VLDLR: variants seen among roughly 807,000 people sequenced by gnomAD.
VLDLR encodes very low-density lipoprotein receptor.
VLDLR carries 81 observed loss-of-function variants against 112.7 expected under a neutral mutation model. That is an observed-to-expected ratio of 0.72 (90% CI 0.60 to 0.86). The LOEUF (loss-of-function observed/expected upper bound fraction) is 0.86. VLDLR is among the 40% of genes least tolerant of loss of function. The probability of loss-of-function intolerance (pLI) is 0.00; values close to 1 mark genes in which losing one functional copy is unlikely to be tolerated. For missense variants in VLDLR, 1,237 were observed against 1,099.4 expected (o/e 1.13, Z -1.77); for synonymous variants, 436 against 384.8 (o/e 1.13, Z -1.56).
intron 18 of VLDLR, 88 bp downstream of exon 18, chr9:2,653,037 G>T: frequency 1.9e-6 from 3 of 1,545,992 alleles, no homozygotes; most frequent in Non-Finnish European, 2.7e-6. Flanking sequence ...GAGCCATTAG[G>T]ATGATGGAGT....
intron 7 of VLDLR, 58 bp from the exon 8 acceptor site, chr9:2,644,676 A>T: frequency 1.2e-6 from 2 of 1,612,080 alleles, no homozygotes; most frequent in Non-Finnish European, 8.5e-7. Context: ...TGGGTTTTAA[A>T]TGTGAAAGAT....
Position 2,635,440 on chromosome 9 carries a change from C to G in VLDLR, c.83-13C>G. ...CAATCCTTGCTTTACCGAATGTTCC[C>G]TTCTTATTCTAGGGAGAAAAGCCAA... On this transcript the variant is annotated splice_polypyrimidine_tract_variant and intron_variant, in intron 1 of 18. Coordinates refer to ENST00000382100, the MANE Select transcript of VLDLR (RefSeq NM_003383.5). 1 of 1,613,850 alleles carries G rather than the reference C, an allele frequency of 6.2e-7. No individual in the cohort carries two copies. The highest frequency in any genetic ancestry group is 8.5e-7 in the Non-Finnish European group (1 of 1,179,818).
chr9:2,622,943 C>T (rs570542506), intron 1 of VLDLR, among the ~76,000 whole-genome samples: 1 of 152,300 alleles, frequency 6.6e-6, no homozygotes, highest in Admixed American at 6.5e-5. Context: ...GGGCGCTTCT[C>T]CTCTCCCTTT....
intron 10 of VLDLR, 118 bp downstream of exon 10, chr9:2,645,863 C>G: frequency 4.3e-6 from 5 of 1,150,868 alleles, no homozygotes; most frequent in African/African-American, 1.5e-5. Context: ...ATCGAATTAC[C>G]TGGGGACATT....
At chr9:2,642,204 T>G in intron 4 of VLDLR, among the ~76,000 whole-genome samples, 1 of 152,154 alleles carries the variant, frequency 6.6e-6, no homozygotes, top group East Asian at 1.9e-4. Context: ...GCTTTGAATG[T>G]TCTTTCAAGC....
In VLDLR at chr9:2,657,860, C is replaced by G. The variant is rs1388159561; in HGVS notation, c.*3992C>G. On this transcript the variant is annotated 3_prime_UTR_variant, in exon 19 of 19. Coordinates refer to ENST00000382100, the MANE Select transcript of VLDLR (RefSeq NM_003383.5). ...CCAGAAGGGGCTTATAATGACTTCT[C>G]TTCTAGAATTGTAATACTAAAAAAC... is the stretch of plus-strand genomic sequence containing the variant. The G allele has an allele frequency of 6.6e-6, 1 of 152,172 alleles. No individual in the cohort carries two copies. Among genetic ancestry groups the G allele is most frequent in the Non-Finnish European group, 1.5e-5 (1 of 68,032 alleles). 9.4% of individuals were successfully genotyped at this position (152,172 alleles called of 1,614,324 possible). A position where few individuals can be genotyped will look rare whatever the true frequency, so the allele number is the denominator to read the frequency against.
chr9:2,655,773 C>G lies in VLDLR; in HGVS notation c.*1905C>G, dbSNP rs746157857. 2.0e-5 allele frequency: 3 copies of G among 152,100 alleles called. No individual in the cohort carries two copies. Among genetic ancestry groups the G allele is most frequent in the African/African-American group, 4.8e-5 (2 of 41,430 alleles). 9.4% of individuals were successfully genotyped at this position (152,100 alleles called of 1,614,324 possible). ...GCTGTAGTCATGAATATAGAACTGT[C>G]TGCTCTCCACCTTTTCCTCACTCTA... On this transcript the variant is annotated 3_prime_UTR_variant, in exon 19 of 19. Transcript: ENST00000382100.
chr9:2,629,939 G>T (rs565074058), intron 1 of VLDLR, among the ~76,000 whole-genome samples: 1 of 152,296 alleles, frequency 6.6e-6, no homozygotes, highest in African/African-American at 2.4e-5. Context: ...TGGGATTACA[G>T]GTGTGTGTAA....
rs369938089 is a variant in VLDLR, at chr9:2,628,196, A to C, written c.82+5925A>C. Among the ~76,000 whole-genome samples the C allele has an allele frequency of 3.3e-5, 5 of 152,292 alleles. No individual in the cohort carries two copies. The South Asian group carries it at 1.0e-3, about 32-fold the overall frequency. On this transcript the variant is annotated intron_variant, in intron 1 of 18. Transcript: ENST00000382100. ...TAGGGGATCTCTGTGTCTAAAGGTGAAAAATGGTAGCTGAACTCATCTCCT... is the reference window on the plus strand; with the variant it reads ...TAGGGGATCTCTGTGTCTAAAGGTGCAAAATGGTAGCTGAACTCATCTCCT...
At position 2,635,524 on chromosome 9, in the gene VLDLR, T is replaced by C; in HGVS notation, c.154T>C (p.Cys52Arg). ...NGRCITLLWKCDGDEDCVDGS... is the reference protein window; with the variant it reads ...NGRCITLLWKRDGDEDCVDGS... ...TCGCTGTATTACGCTGTTGTGGAAATGTGATGGGGATGAAGACTGTGTTGA... is the reference window on the plus strand; with the variant it reads ...TCGCTGTATTACGCTGTTGTGGAAACGTGATGGGGATGAAGACTGTGTTGA... The change falls in exon 2 of 19, where the codon TGT becomes CGT. Residue 52 changes from cysteine to arginine, a missense_variant. Cys to Arg is a radical substitution (Grantham distance 180). Coordinates refer to ENST00000382100, the MANE Select transcript of VLDLR (RefSeq NM_003383.5). 1.2e-6 allele frequency: 2 copies of C among 1,614,102 alleles called. No homozygotes were observed. The highest frequency in any genetic ancestry group is 1.3e-5 in the African/African-American group (1 of 75,012).
chr9:2,634,133 C>G (rs1416276059), intron 1 of VLDLR, among the ~76,000 whole-genome samples: 1 of 152,014 alleles, frequency 6.6e-6, no homozygotes, highest in Non-Finnish European at 1.5e-5. Flanking sequence ...AGTAACCACA[C>G]CCATATGGTC....
chr9:2,622,299 C>G, intron 1 of VLDLR, 28 bp downstream of exon 1: 1 of 1,445,468 alleles, frequency 6.9e-7, no homozygotes, highest in Non-Finnish European at 9.1e-7. Context: ...CCTCCGCCGG[C>G]GGGCGGGACC....
chr9:2,648,429 G>C (rs773100457), intron 13 of VLDLR, 82 bp downstream of exon 13: 4 of 1,600,076 alleles, frequency 2.5e-6, no homozygotes, highest in Non-Finnish European at 3.4e-6. Context: ...AGCGGGAGGA[G>C]GGAAGAGCAG....
chr9:2,648,177 G>A (rs73640153), intron 12 of VLDLR, 31 bp from the exon 13 acceptor site: 1 of 1,588,532 alleles, frequency 6.3e-7, no homozygotes, highest in African/African-American at 1.3e-5. Context: ...GTAGTGGCTT[G>A]TCATGTAATG....
Position 2,622,201 on chromosome 9 carries a change from C to G in VLDLR, c.12C>G (p.Ser4=). ...TCCAGGCGGGCACCATGGGCACGTC[C>G]GCGCTCTGGGCGCTCTGGCTGCTGC... The part of the protein sequence containing the change: MGT[S]ALWALWLLLA... Residue 4 remains serine, a synonymous_variant, in exon 1 of 19, where the codon TCC becomes TCG. Coordinates refer to ENST00000382100, the MANE Select transcript of VLDLR (RefSeq NM_003383.5). The G allele has an allele frequency of 1.3e-6, 2 of 1,499,420 alleles. No individual in the cohort carries two copies. The highest frequency in any genetic ancestry group is 2.7e-5 in the East Asian group (1 of 37,174). The allele number at this position is 1,499,420 out of a possible 1,614,324, so 92.9% of individuals were successfully genotyped here. A position where few individuals can be genotyped will look rare whatever the true frequency, so the allele number is the denominator to read the frequency against.
At chr9:2,622,915 T>C (rs1429989007) in intron 1 of VLDLR, among the ~76,000 whole-genome samples, 1 of 152,032 alleles carries the variant, frequency 6.6e-6, no homozygotes, top group East Asian at 1.9e-4. Context: ...GGCGGGGCTT[T>C]ACGCAGGACT....
At chr9:2,647,846 G>C (rs1818143694) in intron 12 of VLDLR, 3 of 592,680 alleles carry the variant, frequency 5.1e-6, no homozygotes, top group Non-Finnish European at 6.0e-6. Context: ...GGTCTTGGGT[G>C]CACTCATACT....
rs920238644 is a variant in VLDLR, at chr9:2,657,541, G to C, written c.*3673G>C. The C allele has an allele frequency of 6.6e-6, 1 of 151,660 alleles. No homozygotes were observed. Among genetic ancestry groups the C allele is most frequent in the Non-Finnish European group, 1.5e-5 (1 of 67,778 alleles). 9.4% of individuals were successfully genotyped at this position (151,660 alleles called of 1,614,324 possible). A position where few individuals can be genotyped will look rare whatever the true frequency, so the allele number is the denominator to read the frequency against. ...AAGCTTCCCTTATTGTGGGTGATGA[G>C]GCGGTGCCTAAAAACCACATATATA... On this transcript the variant is annotated 3_prime_UTR_variant, in exon 19 of 19. Transcript: ENST00000382100.
At chr9:2,650,049 C>G (rs1036987263) in intron 14 of VLDLR, among the ~76,000 whole-genome samples, 1 of 152,222 alleles carries the variant, frequency 6.6e-6, no homozygotes, top group Non-Finnish European at 1.5e-5. Context: ...TCTGAGCCTT[C>G]ACGCTAAACC....
Sources: gnomAD v4.1 joint callset for allele counts (sites outside exome capture counted in the v4.1 genomes callset) on GRCh38, gnomAD v4.1.1 for gene constraint, MANE v1.5 for transcripts, NCBI Gene and HGNC (gene_info 2026-07-23, HGNC 2026-07-21) for gene names.